The following CNKSR2 variants were observed in gnomAD, a reference collection of about 807,000 sequenced individuals.
CNKSR2 encodes the protein CNK homolog protein 2.
CNKSR2 carries 14 observed loss-of-function variants against 84.4 expected under a neutral mutation model. The observed-to-expected ratio is 0.17, with a 90% CI of 0.11 to 0.26. The LOEUF is 0.26. CNKSR2 is among the 10% of genes least tolerant of loss of function. The probability of loss-of-function intolerance (pLI) is 1.00; values close to 1 mark genes in which losing one functional copy is unlikely to be tolerated. For missense variants in CNKSR2, 485 were observed against 771.2 expected (o/e 0.63, Z 4.40); for synonymous variants, 275 against 277.9 (o/e 0.99, Z 0.10).
At chrX:21,474,994 A>G (rs2091245178) in intron 5 of CNKSR2, among the ~76,000 whole-genome samples, 1 of 112,285 alleles carries the variant, frequency 8.9e-6, no homozygotes. Flanking sequence ...ATATAGCATA[A>G]CAAATATGTG....
At chrX:21,516,977 T>G (rs1178472568) in intron 9 of CNKSR2, among the ~76,000 whole-genome samples, 1 of 112,080 alleles carries the variant, frequency 8.9e-6, no homozygotes, top group Non-Finnish European at 1.9e-5. Flanking sequence ...ACCCACATAC[T>G]CTTTTAGAAG....
chrX:21,464,084 A>G (rs2147129947), intron 4 of CNKSR2, among the ~76,000 whole-genome samples: 1 of 112,086 alleles, frequency 8.9e-6, no homozygotes, highest in Admixed American at 9.4e-5. Context: ...TTGGGGCCCC[A>G]CATCGCTGTA....
intron 20 of CNKSR2, among the ~76,000 whole-genome samples, chrX:21,621,058 A>G (rs2092599513): frequency 9.0e-6 from 1 of 111,356 alleles, no homozygotes; most frequent in Non-Finnish European, 1.9e-5. Flanking sequence ...CCAAAACTCT[A>G]AAATGGAATT....
At position 21,633,499 on chromosome X, in the gene CNKSR2, G is replaced by A. The variant is rs574234778; in HGVS notation, c.2693-15332G>A. On this transcript the variant is annotated intron_variant, in intron 20 of 21. Transcript: ENST00000379510. Reference sequence around the variant, plus strand: ...TTTACTAGCAAGAAGTTAGCAATCCGTTGCTATATTTGAATACAAATTATG... The same window carrying A: ...TTTACTAGCAAGAAGTTAGCAATCCATTGCTATATTTGAATACAAATTATG... Among the ~76,000 whole-genome samples the A allele has an allele frequency of 6.1e-4, 68 of 112,202 alleles. No individual in the cohort carries two copies. The South Asian group carries it at 0.022, about 36-fold the overall frequency.
At chrX:21,650,576 A>G (rs776609632) in intron 21 of CNKSR2, among the ~76,000 whole-genome samples, 1 of 105,823 alleles carries the variant, frequency 9.4e-6, no homozygotes, top group Non-Finnish European at 2.0e-5. Flanking sequence ...AAGTATAATT[A>G]AAAAAAAAAA....
chrX:21,473,639 A>G (rs2091224460), intron 5 of CNKSR2, among the ~76,000 whole-genome samples: 1 of 109,148 alleles, frequency 9.2e-6, no homozygotes, highest in Non-Finnish European at 1.9e-5. Context: ...GATAAAATAA[A>G]TCAGTAAGTT....
chrX:21,524,001 G>A (rs1375555008), intron 9 of CNKSR2, among the ~76,000 whole-genome samples: 3 of 110,321 alleles, frequency 2.7e-5, no homozygotes, highest in African/African-American at 9.8e-5. Context: ...TCCCATGAAG[G>A]TTGTACTTTA....
At chrX:21,425,336 TTG>T (rs2090551096) in intron 1 of CNKSR2, 1 of 111,337 alleles carries the variant, frequency 9.0e-6, no homozygotes, top group Non-Finnish European at 1.9e-5. Flanking sequence ...AAAAAGAAGA[TTG>T]TATAGGGAGG....
At position 21,487,928 on chromosome X, in the gene CNKSR2, A is replaced by T. The variant is rs758348817; in HGVS notation, c.562-2531A>T. ...AATTCTAGGATAGCAACAGCAGAGC[A>T]TAAAACCAAGTGTAGGCCCATGTGC... On this transcript the variant is annotated intron_variant, in intron 5 of 21. Coordinates refer to ENST00000379510, the MANE Select transcript of CNKSR2 (RefSeq NM_014927.5). Among the ~76,000 whole-genome samples, 14 of 112,886 alleles carry T rather than the reference A, an allele frequency of 1.2e-4. No homozygotes were observed. The South Asian group carries it at 1.8e-3, about 15-fold the overall frequency.
chrX:21,461,324 A>G (rs2091058802), intron 4 of CNKSR2, among the ~76,000 whole-genome samples: 1 of 112,334 alleles, frequency 8.9e-6, no homozygotes, highest in African/African-American at 3.2e-5. Flanking sequence ...GGCCATTTGT[A>G]TGTCTTCTTT....
intron 1 of CNKSR2, among the ~76,000 whole-genome samples, chrX:21,411,366 A>G (rs1006813286): frequency 1.2e-4 from 13 of 111,964 alleles, no homozygotes; most frequent in African/African-American, 4.2e-4. Flanking sequence ...GATCATGTGT[A>G]GAAAAGCTTC....
chrX:21,474,238 A>G (rs1047844344), intron 5 of CNKSR2, among the ~76,000 whole-genome samples: 3 of 111,352 alleles, frequency 2.7e-5, no homozygotes, highest in African/African-American at 9.8e-5. Context: ...ATGAATTAAT[A>G]TGTATTGTAT....
intron 1 of CNKSR2, among the ~76,000 whole-genome samples, chrX:21,410,441 C>T (rs1453087110): frequency 9.0e-6 from 1 of 110,986 alleles, no homozygotes; most frequent in East Asian, 2.8e-4. Flanking sequence ...GTAAAATTTA[C>T]TTCATAGGTG....
chrX:21,607,339 A>G (rs2092523502), intron 19 of CNKSR2, among the ~76,000 whole-genome samples: 1 of 111,399 alleles, frequency 9.0e-6, no homozygotes, highest in Admixed American at 9.5e-5. Flanking sequence ...TTTAATGTAT[A>G]TGTTTGTATG....
intron 20 of CNKSR2, among the ~76,000 whole-genome samples, chrX:21,625,037 A>G (rs1329900318): frequency 8.9e-6 from 1 of 112,104 alleles, no homozygotes; most frequent in Non-Finnish European, 1.9e-5. Context: ...AAAGCCATTT[A>G]ATTTACCCAC....
chrX:21,454,659 A>G (rs1158289315), intron 4 of CNKSR2, among the ~76,000 whole-genome samples: 3 of 112,282 alleles, frequency 2.7e-5, no homozygotes, highest in Non-Finnish European at 5.6e-5. Context: ...ATTCCGACCT[A>G]AAAGGACGTG....
intron 8 of CNKSR2, among the ~76,000 whole-genome samples, chrX:21,508,133 G>A (rs2091632727): frequency 8.9e-6 from 1 of 111,989 alleles, no homozygotes; most frequent in Non-Finnish European, 1.9e-5. Flanking sequence ...TTCAAGACCA[G>A]CCTGGGCAAC....
intron 11 of CNKSR2, among the ~76,000 whole-genome samples, chrX:21,546,820 A>G (rs1206615188): frequency 1.8e-5 from 2 of 111,998 alleles, no homozygotes; most frequent in African/African-American, 6.5e-5. Flanking sequence ...TTTCATATTC[A>G]GCCAAACTAA....
intron 1 of CNKSR2, among the ~76,000 whole-genome samples, chrX:21,379,119 A>G (rs1430653020): frequency 8.9e-6 from 1 of 112,904 alleles, no homozygotes; most frequent in Non-Finnish European, 1.9e-5. Flanking sequence ...TAGTGATTAT[A>G]TAAAGTCTAG....
Sources: allele counts gnomAD v4.1 joint callset (sites outside exome capture counted in the v4.1 genomes callset), GRCh38; gene constraint gnomAD v4.1.1; transcripts MANE v1.5; gene names NCBI Gene and HGNC (gene_info 2026-07-23, HGNC 2026-07-21).